ZNF184: variants seen among roughly 807,000 people sequenced by gnomAD.
ZNF184 encodes the protein zinc finger protein 184, also known as zinc finger protein 184 (Kruppel-like).
A neutral mutation model predicts 54.4 loss-of-function variants in ZNF184; 16 were observed. The observed-to-expected ratio is 0.29, with a 90% CI of 0.20 to 0.45. The LOEUF (loss-of-function observed/expected upper bound fraction) is 0.45. Among genes scored for constraint, ZNF184 ranks in the 20% least tolerant of loss-of-function variants. The pLI, the probability that ZNF184 is intolerant of heterozygous loss-of-function variation, is 1.00. For missense variants in ZNF184, 681 were observed against 888.2 expected, an observed-to-expected ratio of 0.77 and a Z score of 2.97; for synonymous variants, 254 against 295.3, an observed-to-expected ratio of 0.86 and a Z score of 1.43.
the ZNF184 span, among the ~76,000 whole-genome samples, chr6:27,425,448 C>G: frequency 6.6e-6 from 1 of 152,190 alleles, no homozygotes; most frequent in Admixed American, 6.5e-5. Flanking sequence ...TACATGCTAA[C>G]AAGTCAAATA....
At chr6:27,469,109 G>C (rs1201593957) in intron 2 of ZNF184, among the ~76,000 whole-genome samples, 1 of 152,154 alleles carries the variant, frequency 6.6e-6, no homozygotes, top group Non-Finnish European at 1.5e-5. Context: ...AATTAATTAT[G>C]TATAATTATG....
At chr6:27,456,166 G>A (rs1239913628) in intron 5 of ZNF184, among the ~76,000 whole-genome samples, 1 of 152,042 alleles carries the variant, frequency 6.6e-6, no homozygotes, top group Non-Finnish European at 1.5e-5. Flanking sequence ...ACTGAGGTGG[G>A]AGGATTACTC....
chr6:27,453,194 G>A lies in ZNF184; in HGVS notation c.365C>T (p.Ser122Phe), dbSNP rs1414749458. Residue 122 changes from serine (S) to phenylalanine (F), a missense_variant, in exon 6 of 6, where the codon TCT (serine) becomes TTT (phenylalanine). By Grantham distance (155) the Ser-to-Phe change is radical (BLOSUM62 -2). Transcript: ENST00000683788. The surrounding 1 kb of genome is among the most constrained non-coding windows in gnomAD (Gnocchi z 4.7). The stretch of plus-strand genomic sequence containing the variant: ...GTGTTTTTCCACTATTACCTCTGGA[G>A]ATAGCTCTTCTTCAGAAATGTCAGG... ...PEPDISEEEL[S>F]PEVIVEKHKR... 6.2e-7 allele frequency: 1 copy of A among 1,613,584 alleles called. No homozygotes were observed.
chr6:27,459,415 A>C (rs1762944325), intron 3 of ZNF184, among the ~76,000 whole-genome samples: 1 of 152,158 alleles, frequency 6.6e-6, no homozygotes, highest in Non-Finnish European at 1.5e-5. Flanking sequence ...TACCCACAAC[A>C]ATAGCAACAA....
At chr6:27,458,997 G>T (rs1310923299) in intron 3 of ZNF184, among the ~76,000 whole-genome samples, 1 of 152,064 alleles carries the variant, frequency 6.6e-6, no homozygotes, top group East Asian at 1.9e-4. Context: ...GATAAATATC[G>T]CATGTTCTCA....
intron 2 of ZNF184, among the ~76,000 whole-genome samples, chr6:27,470,997 A>C (rs1164285004): frequency 6.6e-6 from 1 of 152,218 alleles, no homozygotes; most frequent in African/African-American, 2.4e-5. Context: ...TCACATGACT[A>C]ATATGAATAA....
At chr6:27,424,141 A>C in the ZNF184 span, among the ~76,000 whole-genome samples, 1 of 152,204 alleles carries the variant, frequency 6.6e-6, no homozygotes, top group African/African-American at 2.4e-5. Flanking sequence ...TCCCTGGCTC[A>C]GAAGTGAAGC....
chr6:27,407,557 T>C, the ZNF184 span: 1 of 461,672 alleles, frequency 2.2e-6, no homozygotes, highest in South Asian at 2.1e-5. Flanking sequence ...AGCAGGACAA[T>C]TATACCTTTT....
At chr6:27,424,756 T>G in the ZNF184 span, among the ~76,000 whole-genome samples, 1 of 152,258 alleles carries the variant, frequency 6.6e-6, no homozygotes, top group Non-Finnish European at 1.5e-5. Context: ...GGAGCCCAGC[T>G]GGCTTCACCC....
downstream of ZNF184, among the ~76,000 whole-genome samples, chr6:27,446,736 T>C (rs959263592): frequency 2.0e-5 from 3 of 152,146 alleles, no homozygotes; most frequent in Admixed American, 6.5e-5. Context: ...CTCCAACCCA[T>C]GACAGCTACT....
chr6:27,467,696 T>C (rs1041546585), intron 3 of ZNF184, among the ~76,000 whole-genome samples, 157 bp downstream of exon 3: 1 of 152,182 alleles, frequency 6.6e-6, no homozygotes, highest in African/African-American at 2.4e-5. Context: ...TAGTTAAAGC[T>C]GGAGAGGCAC....
chr6:27,407,834 C>T, the ZNF184 span: 1 of 782,664 alleles, frequency 1.3e-6, no homozygotes, highest in East Asian at 2.4e-5. Flanking sequence ...GTTTAGAAAT[C>T]TCCACAGCCA....
At chr6:27,460,360 G>C (rs943942997) in intron 3 of ZNF184, among the ~76,000 whole-genome samples, 2 of 152,108 alleles carry the variant, frequency 1.3e-5, no homozygotes, top group African/African-American at 4.8e-5. Context: ...TAAATCATTA[G>C]GACTTTTCCC....
rs757802885 is a variant in ZNF184, at chr6:27,453,760, G to A, written c.299-500C>T. 6.6e-6 allele frequency among the ~76,000 whole-genome samples: 1 copy of A among 152,204 alleles called. No homozygotes were observed. Among genetic ancestry groups the A allele is most frequent in the Non-Finnish European group, 1.5e-5 (1 of 68,036 alleles). ...GATATGGGAAGAGTTGTAAATAGTA[G>A]AGAAATAATTTAGCAGGGAGAAACT... On this transcript the variant is annotated intron_variant, in intron 5 of 5. Transcript: ENST00000683788. This position sits in a 1 kb window ranked among gnomAD's most constrained non-coding sequence, Gnocchi z 4.7.
the ZNF184 span, among the ~76,000 whole-genome samples, chr6:27,421,126 G>A: frequency 5.2e-4 from 79 of 152,214 alleles, 1 homozygote. Context: ...GGATTTTTAA[G>A]TCAGTGAAAC....
chr6:27,411,111 G>GTCC, the ZNF184 span, among the ~76,000 whole-genome samples: 2 of 152,184 alleles, frequency 1.3e-5, no homozygotes, highest in African/African-American at 4.8e-5. Flanking sequence ...AGACCGGTTG[G>GTCC]TATTTGGAGA....
chr6:27,417,209 T>TAGAAGAAATTACTGCACA, the ZNF184 span, among the ~76,000 whole-genome samples: 1 of 152,220 alleles, frequency 6.6e-6, no homozygotes, highest in African/African-American at 2.4e-5. Flanking sequence ...AAAGTGACTC[T>TAGAAGAAATTACTGCACA]AAGAGGAAAT....
the ZNF184 span, among the ~76,000 whole-genome samples, chr6:27,440,842 A>G: frequency 1.3e-5 from 2 of 152,006 alleles, no homozygotes; most frequent in Non-Finnish European, 2.9e-5. Context: ...TCTCTAATAA[A>G]AAATACAGAA....
chr6:27,468,558 G>T (rs1163602017), intron 2 of ZNF184, among the ~76,000 whole-genome samples: 1 of 152,076 alleles, frequency 6.6e-6, no homozygotes, highest in Non-Finnish European at 1.5e-5. Flanking sequence ...ATCCACCAAA[G>T]ACTTCTACAA....
Sources: gnomAD v4.1 joint callset for allele counts (sites outside exome capture counted in the v4.1 genomes callset) on GRCh38, gnomAD v4.1.1 for gene constraint, Gnocchi (gnomAD v3.1) non-coding constraint, MANE v1.5 for transcripts, NCBI Gene and HGNC (gene_info 2026-07-23, HGNC 2026-07-21) for gene names.